WWOX: variants seen among roughly 807,000 people sequenced by gnomAD.
The protein encoded by WWOX is WW domain containing oxidoreductase.
Under a neutral mutation model 46.2 loss-of-function variants are expected in WWOX, and 69 were observed. The ratio of observed to expected loss-of-function variants is 1.49; its 90% CI spans 1.23 to 1.82. The LOEUF (loss-of-function observed/expected upper bound fraction) is 1.82, where lower values mean the gene tolerates loss of function less well. Among genes scored for constraint, WWOX ranks in the 40% most tolerant of loss-of-function variants. The pLI is 0.00. For synonymous variants in WWOX, 359 were observed against 202.6 expected (o/e 1.77, Z -6.56); for missense variants, 919 against 542.6 (o/e 1.69, Z -6.89).
chr16:78,686,932 A>C (rs948931439), intron 8 of WWOX, among the ~76,000 whole-genome samples: 13 of 152,182 alleles, frequency 8.5e-5, no homozygotes, highest in Admixed American at 3.9e-4. Context: ...CAGTTTCCAT[A>C]TCCAAGCAGC....
At chr16:78,182,569 C>A (rs1299291840) in intron 5 of WWOX, among the ~76,000 whole-genome samples, 1 of 152,018 alleles carries the variant, frequency 6.6e-6, no homozygotes, top group African/African-American at 2.4e-5. Context: ...CCTGCCCTCC[C>A]TTCCTTCTTT....
At chr16:78,895,263 C>G (rs1048060765) in intron 8 of WWOX, 1 of 152,172 alleles carries the variant, frequency 6.6e-6, no homozygotes, top group African/African-American at 2.4e-5. Flanking sequence ...GTTTGCCTCA[C>G]TTTTCTGTGG....
chr16:78,713,920 T>C (rs1317274504), intron 8 of WWOX, among the ~76,000 whole-genome samples: 2 of 152,092 alleles, frequency 1.3e-5, no homozygotes, highest in Non-Finnish European at 2.9e-5. Context: ...AGGACTGTCG[T>C]TGGGGAACAG....
At chr16:78,385,312 A>T (rs2082039922) in intron 5 of WWOX, among the ~76,000 whole-genome samples, 1 of 152,154 alleles carries the variant, frequency 6.6e-6, no homozygotes, top group African/African-American at 2.4e-5. Flanking sequence ...CCAGACTACC[A>T]TTTATTGCCA....
At chr16:78,437,583 T>A (rs1320891054) in intron 8 of WWOX, among the ~76,000 whole-genome samples, 5 of 151,566 alleles carry the variant, frequency 3.3e-5, no homozygotes, top group Admixed American at 1.3e-4. Context: ...CTCTTCTTCT[T>A]CAGATCCAGA....
intron 8 of WWOX, chr16:78,552,927 T>G (rs1337153353): frequency 2.0e-5 from 3 of 152,240 alleles, no homozygotes; most frequent in Non-Finnish European, 4.4e-5. Flanking sequence ...GGGAGTTACC[T>G]GGGAAAGCCC....
intron 8 of WWOX, among the ~76,000 whole-genome samples, chr16:78,928,058 C>G (rs776382328): frequency 6.6e-6 from 1 of 152,122 alleles, no homozygotes; most frequent in Non-Finnish European, 1.5e-5. Context: ...ATCATACTCT[C>G]AGATCCTGGA....
At chr16:79,115,726 G>A (rs7184581) in intron 8 of WWOX, among the ~76,000 whole-genome samples, 20,230 of 152,112 alleles carry the variant, frequency 0.13, 2,668 homozygotes, top group African/African-American at 0.34. Context: ...GAAAAAAACA[G>A]TGATAGGACT....
At chr16:79,026,903 A>C (rs1030822290) in intron 8 of WWOX, among the ~76,000 whole-genome samples, 1 of 150,080 alleles carries the variant, frequency 6.7e-6, no homozygotes, top group African/African-American at 2.5e-5. Context: ...TGCTGGGATT[A>C]CAGGTGTGAG....
intron 8 of WWOX, among the ~76,000 whole-genome samples, chr16:79,052,544 A>G (rs2048188401): frequency 2.0e-5 from 3 of 152,244 alleles, no homozygotes; most frequent in African/African-American, 7.2e-5. Flanking sequence ...AATGTCCAAC[A>G]GTGGTAGACT....
chr16:78,735,370 G>C (rs1379756803), intron 8 of WWOX, among the ~76,000 whole-genome samples: 1 of 135,700 alleles, frequency 7.4e-6, no homozygotes, highest in Non-Finnish European at 1.5e-5. Context: ...GAACCAATAA[G>C]AGATGTCATA....
chr16:78,399,404 G>C (rs962896321), intron 6 of WWOX, among the ~76,000 whole-genome samples: 6 of 152,136 alleles, frequency 3.9e-5, no homozygotes, highest in South Asian at 2.1e-4. Context: ...ATAACCCAAA[G>C]GTTTTCTTAC....
intron 8 of WWOX, among the ~76,000 whole-genome samples, chr16:78,449,858 T>C (rs2083649797): frequency 6.6e-6 from 1 of 152,136 alleles, no homozygotes; most frequent in Non-Finnish European, 1.5e-5. Context: ...TATTGCAGAA[T>C]TTGGATTTGA....
chr16:78,458,601 C>T (rs1193967245), intron 8 of WWOX, among the ~76,000 whole-genome samples: 2 of 151,952 alleles, frequency 1.3e-5, no homozygotes, highest in East Asian at 3.9e-4. Context: ...TATTTATTTT[C>T]TTATATTTAC....
rs1294741164 is a variant in WWOX at position 78,729,699 on chromosome 16, T to A, written c.1056+296947T>A. ...CAAAAGAACAAGTTTCTGTTGTGTG[T>A]AGGCACCCAGTTTGTGGTAATTTGT... On this transcript the variant is annotated intron_variant, in intron 8 of 8. Transcript: ENST00000566780. Among the ~76,000 whole-genome samples, 12 of 152,164 alleles carry A rather than the reference T, an allele frequency of 7.9e-5. 1 individual carries two copies. The highest frequency in any genetic ancestry group is 3.9e-4 in the Admixed American group (6 of 15,288).
At chr16:78,997,687 C>T (rs948276348) in intron 8 of WWOX, among the ~76,000 whole-genome samples, 8 of 152,096 alleles carry the variant, frequency 5.3e-5, no homozygotes, top group Admixed American at 1.3e-4. Context: ...CCCTCCCTTC[C>T]TTTCCCTCCT....
intron 8 of WWOX, among the ~76,000 whole-genome samples, chr16:78,568,105 G>A (rs985596008): frequency 2.0e-5 from 3 of 152,162 alleles, no homozygotes; most frequent in East Asian, 1.9e-4. Context: ...GTAAAAATCC[G>A]TGCGGAATTT....
Position 79,125,047 on chromosome 16 carries a change from CTT to C in WWOX, c.1057-86547_1057-86546del, listed in dbSNP as rs1302169301. On this transcript the variant is annotated intron_variant, in intron 8 of 8. Transcript: ENST00000566780. ...CTGACTCTGAAACCTATTTTCCCAT[CTT>C]TTTTTTTTTTTTTAGGGATAAATTT... 6.0e-4 allele frequency among the ~76,000 whole-genome samples: 52 copies of C among 86,438 alleles called. 1 individual carries two copies. The highest frequency in any genetic ancestry group is 6.7e-3 in the Middle Eastern group (1 of 150). 56.7% of individuals were successfully genotyped at this position (86,438 alleles called of 152,430 possible).
Position 78,283,145 on chromosome 16 carries a change from G to A in WWOX, c.517-103715G>A, listed in dbSNP as rs150912733. ...ATACTAGCTAATTCTTACAGCTTCT[G>A]GGTTCACCAGCCCGGCAGGAGAATC... On this transcript the variant is annotated intron_variant, in intron 5 of 8. Coordinates refer to ENST00000566780, the MANE Select transcript of WWOX (RefSeq NM_016373.4). Among the ~76,000 whole-genome samples, 6 of 152,252 alleles carry A rather than the reference G, an allele frequency of 3.9e-5. No homozygotes were observed. In the East Asian group the frequency reaches 1.2e-3, roughly 30 times the overall value.
Sources: gnomAD v4.1 joint callset for allele counts (sites outside exome capture counted in the v4.1 genomes callset) on GRCh38, gnomAD v4.1.1 for gene constraint, MANE v1.5 for transcripts, NCBI Gene and HGNC (gene_info 2026-07-23, HGNC 2026-07-21) for gene names.